Variants in AAAS observed in about 807,000 individuals in gnomAD.
AAAS encodes the protein aladin.
Under a neutral mutation model 75.6 loss-of-function variants are expected in AAAS, and 60 were observed. The ratio of observed to expected loss-of-function variants is 0.79; its 90% confidence interval spans 0.64 to 0.98. The LOEUF (loss-of-function observed/expected upper bound fraction) is 0.98, where lower values mean the gene tolerates loss of function less well. AAAS is among the 50% of genes least tolerant of loss of function. AAAS has a pLI of 0.00. For synonymous variants in AAAS, 271 were observed against 265.0 expected, an observed-to-expected ratio of 1.02 and a Z score of -0.22; for missense variants, 658 against 686.9, an observed-to-expected ratio of 0.96 and a Z score of 0.47.
chr12:53,309,958 G>A, intron 7 of AAAS: 2 of 603,052 alleles, frequency 3.3e-6, no homozygotes, highest in South Asian at 1.9e-5. Flanking sequence ...AAGGTCTCAG[G>A]CCAGGGTGAA....
Position 53,321,523 on chromosome 12 carries a change from C to A in AAAS, c.-58G>T, listed in dbSNP as rs1348458130. 7 of 1,610,788 alleles carry A rather than the reference C, an allele frequency of 4.3e-6. No homozygotes were observed. The East Asian group carries it at 1.6e-4, about 36-fold the overall frequency. On this transcript the variant is annotated 5_prime_UTR_variant, in exon 1 of 16. Transcript: ENST00000209873. ...AACTCCTGGCCGGAACGGCACAGAC[C>A]GCACTCCCGCAACTCGGTTCCCGGG...
rs145478740 is a variant in AAAS, at chr12:53,309,725, G to C, written c.690-4C>G. ...TTGGGCACAGCCAGAAGAGGGTCTG[G>C]AGGGGAACACAGAGGATGTGGAGTC... On this transcript the variant is annotated splice_region_variant and splice_polypyrimidine_tract_variant and intron_variant, in intron 7 of 15. Coordinates refer to ENST00000209873, the MANE Select transcript of AAAS (RefSeq NM_015665.6). 3.7e-6 allele frequency: 6 copies of C among 1,612,888 alleles called. No homozygotes were observed. In the Admixed American group the frequency reaches 8.4e-5, roughly 22 times the overall value.
intron 8 of AAAS, 81 bp downstream of exon 8, chr12:53,309,520 T>C (rs1271416485): frequency 6.2e-7 from 1 of 1,607,246 alleles, no homozygotes; most frequent in Non-Finnish European, 8.5e-7. Flanking sequence ...CCCTCCTCCT[T>C]CCCCCAAGAT....
In AAAS at chr12:53,321,455, A is replaced by G. The variant is rs886049652; in HGVS notation, c.11T>C (p.Leu4Pro). Residue 4 changes from leucine to proline, a missense_variant, in exon 1 of 16, where the codon CTG becomes CCG. By Grantham distance (98) the Leu-to-Pro change is moderately conservative. Transcript: ENST00000209873. MCSLGLFPPPPPRG... is the reference protein window; with the variant it reads MCSPGLFPPPPPRG... ...AGGCGGTGGAGGAGGGAACAACCCC[A>G]GAGAGCACATCTTGCCGGTTCGCAG... is the stretch of plus-strand genomic sequence containing the variant. The G allele has an allele frequency of 1.9e-6, 3 of 1,614,054 alleles. No individual in the cohort carries two copies. Among genetic ancestry groups the G allele is most frequent in the Non-Finnish European group, 2.5e-6 (3 of 1,180,040 alleles).
At chr12:53,314,970 G>T (rs1005700659) in intron 5 of AAAS, 121 bp from the exon 6 acceptor site, 5 of 1,471,186 alleles carry the variant, frequency 3.4e-6, no homozygotes, top group Middle Eastern at 1.7e-4. Flanking sequence ...TTTTTTGGGG[G>T]AACAGGAGGA....
intron 1 of AAAS, 130 bp downstream of exon 1, chr12:53,321,213 C>T: frequency 2.8e-6 from 4 of 1,447,732 alleles, no homozygotes; most frequent in Non-Finnish European, 3.7e-6. Flanking sequence ...TTCTAGCCTC[C>T]TGCCGGGGCC....
At position 53,321,415 on chromosome 12, in the gene AAAS, G is replaced by T. The variant is rs1464313628; in HGVS notation, c.51C>A (p.Thr17=). ...CCAGCTCGTTATTGTGCTCATATAG[G>T]GTGACTTGACCCCGAGGCGGTGGAG... ...FPPPPPRGQV[T]LYEHNNELVT... The change falls in exon 1 of 16, where the codon ACC becomes ACA. Residue 17 remains threonine (T), a synonymous_variant. Coordinates refer to ENST00000209873, the MANE Select transcript of AAAS (RefSeq NM_015665.6). 10 of 1,614,240 alleles carry T rather than the reference G, an allele frequency of 6.2e-6. No homozygotes were observed. The highest frequency in any genetic ancestry group is 8.5e-6 in the Non-Finnish European group (10 of 1,180,046).
chr12:53,316,087 G>A (rs1404977207), intron 2 of AAAS, among the ~76,000 whole-genome samples: 1 of 152,212 alleles, frequency 6.6e-6, no homozygotes, highest in African/African-American at 2.4e-5. Context: ...GTTCTAAGGA[G>A]AAGAATAAAC....
At position 53,321,392 on chromosome 12, in the gene AAAS, A is replaced by T; in HGVS notation, c.74T>A (p.Leu25Gln). Reference protein sequence around the residue: ...QVTLYEHNNELVTGSSYESPP... With the variant: ...QVTLYEHNNEQVTGSSYESPP... ...GCTCTCATAGCTACTGCCCGTCACC[A>T]GCTCGTTATTGTGCTCATATAGGGT... Residue 25 changes from leucine (L) to glutamine (Q), a missense_variant, in exon 1 of 16, where the codon CTG becomes CAG. Coordinates refer to ENST00000209873, the MANE Select transcript of AAAS (RefSeq NM_015665.6). 6.2e-7 allele frequency: 1 copy of T among 1,614,156 alleles called. No individual in the cohort carries two copies. The highest frequency in any genetic ancestry group is 8.5e-7 in the Non-Finnish European group (1 of 1,180,030).
chr12:53,317,682 C>G lies in AAAS; in HGVS notation c.252-1900G>C, dbSNP rs543310547. ...GCTTGAACCCAGGAGGCGGAGGTTG[C>G]AGCGAGCTGAGATCACGCCACTGCA... On this transcript the variant is annotated intron_variant, in intron 2 of 15. Coordinates refer to ENST00000209873, the MANE Select transcript of AAAS (RefSeq NM_015665.6). 2.4e-3 allele frequency among the ~76,000 whole-genome samples: 370 copies of G among 151,924 alleles called. 3 individuals are homozygous for G. Among genetic ancestry groups the G allele is most frequent in the Middle Eastern group, 0.024 (7 of 294 alleles).
chr12:53,317,526 C>T (rs1944482759), intron 2 of AAAS, among the ~76,000 whole-genome samples: 1 of 151,626 alleles, frequency 6.6e-6, no homozygotes, highest in African/African-American at 2.4e-5. Context: ...CACTGCACTC[C>T]AGCCTGGGCA....
chr12:53,318,276 A>C (rs1944498314), intron 2 of AAAS, among the ~76,000 whole-genome samples: 1 of 87,138 alleles, frequency 1.1e-5, no homozygotes, highest in African/African-American at 3.9e-5. Context: ...GTGTGTGTTA[A>C]GACGGAGTCT....
In AAAS at chr12:53,315,525, C is replaced by T. The variant is rs961003765; in HGVS notation, c.308-99G>A. 1.0e-5 allele frequency: 13 copies of T among 1,256,468 alleles called. No individual in the cohort carries two copies. In the African/African-American group the frequency reaches 1.9e-4, roughly 19 times the overall value. The allele number at this position is 1,256,468 out of a possible 1,614,324, so 77.8% of individuals were successfully genotyped here. A position where few individuals can be genotyped will look rare whatever the true frequency, so the allele number is the denominator to read the frequency against. Reference sequence around the variant, plus strand: ...AAGGAAGGACAGGCACTCCCCAGGTCCTTCTGCCCAGTAAGTGCTCTCAAC... The same window carrying T: ...AAGGAAGGACAGGCACTCCCCAGGTTCTTCTGCCCAGTAAGTGCTCTCAAC... On this transcript the variant is annotated intron_variant, in intron 3 of 15. Coordinates refer to ENST00000209873, the MANE Select transcript of AAAS (RefSeq NM_015665.6).
At position 53,321,542 on chromosome 12, in the gene AAAS, TC is replaced by T. The variant is rs1193652775; in HGVS notation, c.-78del. 18 of 1,607,886 alleles carry T rather than the reference TC, an allele frequency of 1.1e-5. No individual in the cohort carries two copies. The highest frequency in any genetic ancestry group is 1.5e-5 in the Non-Finnish European group (18 of 1,179,202). On this transcript the variant is annotated 5_prime_UTR_variant, in exon 1 of 16. Coordinates refer to ENST00000209873, the MANE Select transcript of AAAS (RefSeq NM_015665.6). The stretch of plus-strand genomic sequence containing the variant: ...ACAGACCGCACTCCCGCAACTCGGT[TC>T]CCGGGCTAGATTCGTATGCGGACGG...
rs1250071375 is a variant in AAAS, at chr12:53,319,701, G to A, written c.251+864C>T. ...TGCCTATAGTACCAGCTACTCGGGA[G>A]GCTGAGGCAGGGGAACTGCTTGAAC... On this transcript the variant is annotated intron_variant, in intron 2 of 15. Transcript: ENST00000209873. Among the ~76,000 whole-genome samples, 4 of 151,026 alleles carry A rather than the reference G, an allele frequency of 2.6e-5. No homozygotes were observed. In the East Asian group the frequency reaches 5.9e-4, roughly 22 times the overall value.
Position 53,314,415 on chromosome 12 carries a change from C to T in AAAS, c.572G>A (p.Arg191Gln), listed in dbSNP as rs756489312. ...CAGAGACGCCACATTTCGCTGCAGC[C>T]GGTGCTTCAGGGAGGGGACTATGGT... ...SSTIVPSLKH[R>Q]LQRNVASLAW... is the part of the protein sequence containing the mutation. Residue 191 changes from arginine to glutamine, a missense_variant, in exon 7 of 16, where the codon CGG (arginine) becomes CAG (glutamine). Transcript: ENST00000209873. 1.6e-5 allele frequency: 26 copies of T among 1,613,966 alleles called. No individual in the cohort carries two copies. Among genetic ancestry groups the T allele is most frequent in the East Asian group, 4.5e-5 (2 of 44,880 alleles).
chr12:53,315,160 A>C lies in AAAS; in HGVS notation c.400-20T>G, dbSNP rs760244470. 1 of 1,614,018 alleles carries C rather than the reference A, an allele frequency of 6.2e-7. No individual in the cohort carries two copies. The highest frequency in any genetic ancestry group is 8.5e-7 in the Non-Finnish European group (1 of 1,179,998). On this transcript the variant is annotated intron_variant, in intron 4 of 15. Transcript: ENST00000209873. The stretch of plus-strand genomic sequence containing the variant: ...CCTGAGCTGTAAGAACAAGATAGAC[A>C]CAGGACACACTGGGGCAAAAGGAGT...
chr12:53,316,144 G>A (rs1274721870), intron 2 of AAAS, among the ~76,000 whole-genome samples: 1 of 152,222 alleles, frequency 6.6e-6, no homozygotes, highest in Non-Finnish European at 1.5e-5. Flanking sequence ...CTGCAGATTA[G>A]AGAGTGATAA....
chr12:53,321,142 A>T, intron 1 of AAAS: 1 of 762,202 alleles, frequency 1.3e-6, no homozygotes, highest in Non-Finnish European at 2.1e-6. Context: ...GGCCTCCTCC[A>T]CAGCTCCTTA....
Sources: gnomAD v4.1 joint callset for allele counts (sites outside exome capture counted in the v4.1 genomes callset) on GRCh38, gnomAD v4.1.1 for gene constraint, MANE v1.5 for transcripts, NCBI Gene and HGNC (gene_info 2026-07-23, HGNC 2026-07-21) for gene names.